SLC41A2: variants seen among roughly 807,000 people sequenced by gnomAD.
The protein encoded by SLC41A2 is solute carrier family 41 member 2, also known as SLC41A1-like 1.
A neutral mutation model predicts 58.3 loss-of-function variants in SLC41A2; 32 were observed. That is an observed-to-expected ratio of 0.55 (90% CI 0.41 to 0.74). The LOEUF (loss-of-function observed/expected upper bound fraction) is 0.74, where lower values mean the gene tolerates loss of function less well. SLC41A2 is among the 30% of genes least tolerant of loss of function. The probability of loss-of-function intolerance (pLI) is 0.00; values close to 1 mark genes in which losing one functional copy is unlikely to be tolerated. For missense variants in SLC41A2, 514 were observed against 680.6 expected, an observed-to-expected ratio of 0.76 and a Z score of 2.72; for synonymous variants, 190 against 235.0, an observed-to-expected ratio of 0.81 and a Z score of 1.75.
chr12:104,855,731 A>G (rs141879309), intron 8 of SLC41A2, among the ~76,000 whole-genome samples: 151 of 152,298 alleles, frequency 9.9e-4, no homozygotes, highest in Non-Finnish European at 1.5e-3. Context: ...TAACCAATGC[A>G]TCTTGAATTC....
intron 3 of SLC41A2, among the ~76,000 whole-genome samples, chr12:104,903,835 A>C (rs1195447000): frequency 6.6e-6 from 1 of 152,186 alleles, no homozygotes; most frequent in Admixed American, 6.5e-5. Context: ...ACTAAGTTAG[A>C]TCACCCTGCA....
intron 1 of SLC41A2, among the ~76,000 whole-genome samples, chr12:104,936,004 C>G (rs2047253100): frequency 6.6e-6 from 1 of 151,292 alleles, no homozygotes; most frequent in Non-Finnish European, 1.5e-5. Flanking sequence ...GGTTACACCA[C>G]TGCACTCCAG....
chr12:104,940,863 G>A (rs942018334), intron 1 of SLC41A2, among the ~76,000 whole-genome samples: 1 of 148,584 alleles, frequency 6.7e-6, no homozygotes, highest in African/African-American at 2.5e-5. Context: ...AGGTTGCAGT[G>A]AGCCGAGATC....
intron 4 of SLC41A2, 147 bp downstream of exon 4, chr12:104,895,127 A>T: frequency 1.9e-6 from 1 of 537,090 alleles, no homozygotes; most frequent in Non-Finnish European, 3.3e-6. Flanking sequence ...TTATTCCATC[A>T]CTTTTTCAAG....
At chr12:104,893,845 G>T (rs964389959) in intron 4 of SLC41A2, among the ~76,000 whole-genome samples, 2 of 152,144 alleles carry the variant, frequency 1.3e-5, no homozygotes, top group African/African-American at 4.8e-5. Flanking sequence ...AAGGATGGTT[G>T]CTAGAGGCTG....
At chr12:104,879,000 C>T (rs1442824516) in intron 6 of SLC41A2, among the ~76,000 whole-genome samples, 1 of 152,182 alleles carries the variant, frequency 6.6e-6, no homozygotes, top group Non-Finnish European at 1.5e-5. Flanking sequence ...TTAATGACCG[C>T]CATTCTAACT....
intron 1 of SLC41A2, among the ~76,000 whole-genome samples, chr12:104,930,027 C>G (rs1451942561): frequency 6.6e-6 from 1 of 152,336 alleles, no homozygotes; most frequent in South Asian, 2.1e-4. Context: ...CCTTTCCTCT[C>G]TCTTGTGATT....
At chr12:104,952,115 GA>G (rs993125430) in intron 1 of SLC41A2, among the ~76,000 whole-genome samples, 16 of 151,984 alleles carry the variant, frequency 1.1e-4, no homozygotes, top group African/African-American at 3.9e-4. Flanking sequence ...TTTCAACTGA[GA>G]AAAAAAATTT....
intron 10 of SLC41A2, among the ~76,000 whole-genome samples, chr12:104,842,246 T>C (rs1345795099): frequency 6.6e-6 from 1 of 152,062 alleles, no homozygotes; most frequent in Non-Finnish European, 1.5e-5. Flanking sequence ...TGTGCTTATG[T>C]GTATGCTAGT....
At chr12:104,899,793 A>G (rs2135725648) in intron 3 of SLC41A2, among the ~76,000 whole-genome samples, 1 of 152,360 alleles carries the variant, frequency 6.6e-6, no homozygotes, top group South Asian at 2.1e-4. Flanking sequence ...CATAGGTCAC[A>G]GAAGACACTC....
At chr12:104,876,912 T>C (rs73399956) in intron 6 of SLC41A2, among the ~76,000 whole-genome samples, 1 of 152,180 alleles carries the variant, frequency 6.6e-6, no homozygotes, top group African/African-American at 2.4e-5. Context: ...TTACTGTCTA[T>C]TTCCCCCTTC....
At chr12:104,936,529 G>A (rs2047282195) in intron 1 of SLC41A2, among the ~76,000 whole-genome samples, 1 of 152,210 alleles carries the variant, frequency 6.6e-6, no homozygotes, top group African/African-American at 2.4e-5. Context: ...AGAAGGCAAG[G>A]AGGAGGAAGT....
chr12:104,916,516 G>C (rs2046328992), intron 2 of SLC41A2, among the ~76,000 whole-genome samples: 1 of 152,080 alleles, frequency 6.6e-6, no homozygotes, highest in African/African-American at 2.4e-5. Flanking sequence ...GCATCGCCAA[G>C]TCAATCCTAA....
chr12:104,912,302 G>C (rs1388106642), intron 2 of SLC41A2, among the ~76,000 whole-genome samples: 3 of 152,198 alleles, frequency 2.0e-5, no homozygotes, highest in African/African-American at 7.2e-5. Flanking sequence ...CTTCAGGATA[G>C]GGGCTGGTCA....
intron 6 of SLC41A2, among the ~76,000 whole-genome samples, chr12:104,870,940 T>TG (rs1324844190): frequency 6.6e-6 from 1 of 152,196 alleles, no homozygotes; most frequent in Non-Finnish European, 1.5e-5. Context: ...TAACCTAAGA[T>TG]GGTACTGTGC....
chr12:104,844,472 C>T lies in SLC41A2; in HGVS notation c.1536G>A (p.Gln512=), dbSNP rs770396687. 5 of 1,466,658 alleles carry T rather than the reference C, an allele frequency of 3.4e-6. No homozygotes were observed. Among genetic ancestry groups the T allele is most frequent in the Non-Finnish European group, 4.5e-6 (5 of 1,108,614 alleles). The allele number at this position is 1,466,658 out of a possible 1,614,324, so 90.9% of individuals were successfully genotyped here. A position where few individuals can be genotyped will look rare whatever the true frequency, so the allele number is the denominator to read the frequency against. Residue 512 remains glutamine, a splice_region_variant and synonymous_variant, in exon 10 of 11, where the codon CAG becomes CAA. Transcript: ENST00000258538. ...IVVYLFGAVL[Q]VFTLLWIADW... is the part of the protein sequence containing the mutation. ...GATTTCAAGAAGTTTTAACTCTTAC[C>T]TGTAACACAGCGCCAAATAAATACA...
At chr12:104,916,698 A>C (rs1024294365) in intron 2 of SLC41A2, among the ~76,000 whole-genome samples, 3 of 152,212 alleles carry the variant, frequency 2.0e-5, no homozygotes, top group African/African-American at 4.8e-5. Context: ...ATCTTTGACA[A>C]ACCTGACAAA....
intron 6 of SLC41A2, among the ~76,000 whole-genome samples, chr12:104,879,039 T>A (rs2044215446): frequency 6.6e-6 from 1 of 152,264 alleles, no homozygotes; most frequent in African/African-American, 2.4e-5. Context: ...ATTGTGGTTT[T>A]GATTTGCATT....
chr12:104,905,347 C>T (rs2045782761), intron 3 of SLC41A2, among the ~76,000 whole-genome samples: 1 of 152,260 alleles, frequency 6.6e-6, no homozygotes, highest in Admixed American at 6.5e-5. Flanking sequence ...CACTCCCAAA[C>T]CTTGAGCTAA....
Sources: gnomAD v4.1 joint callset for allele counts (sites outside exome capture counted in the v4.1 genomes callset) on GRCh38, gnomAD v4.1.1 for gene constraint, MANE v1.5 for transcripts, NCBI Gene and HGNC (gene_info 2026-07-23, HGNC 2026-07-21) for gene names.